The following LHFPL3 variants were observed in gnomAD, a reference collection of about 807,000 sequenced individuals.
The protein encoded by LHFPL3 is LHFPL tetraspan subfamily member 3 protein.
Under a neutral mutation model 19.3 loss-of-function variants are expected in LHFPL3, and 5 were observed. The ratio of observed to expected loss-of-function variants is 0.26; its 90% CI spans 0.14 to 0.54. LHFPL3 has a LOEUF of 0.54. LHFPL3 is among the 20% of genes least tolerant of loss of function. The pLI is 0.94. For synonymous variants in LHFPL3, 133 were observed against 126.2 expected (o/e 1.05, Z -0.36); for missense variants, 249 against 307.4 (o/e 0.81, Z 1.42).
At chr7:104,347,890 T>TAAAA (rs34331956) in intron 1 of LHFPL3, among the ~76,000 whole-genome samples, 1 of 146,482 alleles carries the variant, frequency 6.8e-6, no homozygotes, top group African/African-American at 2.5e-5. Context: ...GACTCTGTCT[T>TAAAA]AAAAAAAAAA....
At chr7:104,402,104 A>G (rs2116495339) in intron 1 of LHFPL3, among the ~76,000 whole-genome samples, 1 of 152,086 alleles carries the variant, frequency 6.6e-6, no homozygotes, top group East Asian at 1.9e-4. Context: ...AAAAAAAACA[A>G]AAAACAACAA....
intron 1 of LHFPL3, among the ~76,000 whole-genome samples, chr7:104,635,047 A>G (rs11764022): frequency 0.039 from 5,988 of 152,266 alleles, 136 homozygotes; most frequent in Middle Eastern, 0.054. Context: ...TGTTATGTAT[A>G]TTTTTTAAAG....
chr7:104,463,994 G>A (rs868305719), intron 1 of LHFPL3, among the ~76,000 whole-genome samples: 1 of 152,158 alleles, frequency 6.6e-6, no homozygotes, highest in South Asian at 2.1e-4. Flanking sequence ...GACAAGGCAA[G>A]TCCCTTCTGC....
intron 2 of LHFPL3, among the ~76,000 whole-genome samples, chr7:104,827,832 T>C (rs1394749698): frequency 6.6e-6 from 1 of 151,988 alleles, no homozygotes; most frequent in East Asian, 1.9e-4. Flanking sequence ...TCAAAAGACC[T>C]GTGCCATCTC....
At chr7:104,789,182 T>C (rs1789975637) in intron 2 of LHFPL3, among the ~76,000 whole-genome samples, 1 of 152,232 alleles carries the variant, frequency 6.6e-6, no homozygotes, top group Non-Finnish European at 1.5e-5. Flanking sequence ...ATAGCTCATC[T>C]TCCATAAATG....
At chr7:104,360,346 G>A (rs1435934325) in intron 1 of LHFPL3, among the ~76,000 whole-genome samples, 1 of 152,154 alleles carries the variant, frequency 6.6e-6, no homozygotes, top group Non-Finnish European at 1.5e-5. Flanking sequence ...TCATATGTCT[G>A]TACTCATGCT....
intron 1 of LHFPL3, among the ~76,000 whole-genome samples, chr7:104,468,826 T>A (rs6960224): frequency 0.1 from 15,353 of 151,672 alleles, 1,192 homozygotes; most frequent in Admixed American, 0.27. Context: ...ACCCAGCCAA[T>A]TTTTTTGTAT....
chr7:104,825,809 GGAA>G (rs1790806349), intron 2 of LHFPL3, among the ~76,000 whole-genome samples: 2 of 151,822 alleles, frequency 1.3e-5, no homozygotes, highest in Non-Finnish European at 1.5e-5. Flanking sequence ...ACAAAAAGAA[GGAA>G]GAAGAGGGAA....
chr7:104,831,524 T>C (rs149015634), intron 2 of LHFPL3, among the ~76,000 whole-genome samples: 1,842 of 152,002 alleles, frequency 0.012, 58 homozygotes, highest in African/African-American at 0.042. Flanking sequence ...CTCATTTCCA[T>C]GGTGGGCCTG....
intron 1 of LHFPL3, among the ~76,000 whole-genome samples, chr7:104,450,699 G>T (rs1443419889): frequency 1.3e-5 from 2 of 151,680 alleles, no homozygotes; most frequent in Non-Finnish European, 2.9e-5. Flanking sequence ...TTCTGCACAT[G>T]TACCCCAGAA....
intron 1 of LHFPL3, among the ~76,000 whole-genome samples, chr7:104,514,248 A>C (rs1331521865): frequency 2.0e-5 from 3 of 152,080 alleles, no homozygotes; most frequent in African/African-American, 7.2e-5. Flanking sequence ...TATTTTGCCT[A>C]ATAAATCTTC....
intron 1 of LHFPL3, among the ~76,000 whole-genome samples, chr7:104,441,650 A>G (rs12705210): frequency 0.16 from 23,950 of 152,124 alleles, 2,742 homozygotes; most frequent in African/African-American, 0.32. Context: ...ATCTTAGCTC[A>G]CTGCAGCCTC....
intron 1 of LHFPL3, among the ~76,000 whole-genome samples, chr7:104,458,926 C>T (rs1351151232): frequency 6.6e-6 from 1 of 152,118 alleles, no homozygotes; most frequent in Non-Finnish European, 1.5e-5. Context: ...TCCAGCAGTG[C>T]AATAGTGGTA....
intron 1 of LHFPL3, among the ~76,000 whole-genome samples, chr7:104,482,473 G>T (rs1223430115): frequency 1.3e-5 from 2 of 152,160 alleles, no homozygotes; most frequent in Non-Finnish European, 2.9e-5. Context: ...CCCTGCACAG[G>T]TGTTCCACCA....
chr7:104,501,565 G>A (rs1198943703), intron 1 of LHFPL3, among the ~76,000 whole-genome samples: 3 of 152,052 alleles, frequency 2.0e-5, no homozygotes, highest in Non-Finnish European at 4.4e-5. Context: ...AAACATAATG[G>A]TGAGTCATAC....
chr7:104,813,022 G>A (rs1376619084), intron 2 of LHFPL3, among the ~76,000 whole-genome samples: 3 of 152,118 alleles, frequency 2.0e-5, no homozygotes, highest in Admixed American at 6.5e-5. Context: ...GCTGAGGCAG[G>A]AGAATTGCTT....
At chr7:104,468,894 C>CAG (rs1792848716) in intron 1 of LHFPL3, among the ~76,000 whole-genome samples, 1 of 152,054 alleles carries the variant, frequency 6.6e-6, no homozygotes, top group Non-Finnish European at 1.5e-5. Flanking sequence ...CTCCTGACCT[C>CAG]ATGATCCGCC....
chr7:104,879,626 G>A (rs1429700846), intron 2 of LHFPL3, among the ~76,000 whole-genome samples: 1 of 152,232 alleles, frequency 6.6e-6, no homozygotes, highest in African/African-American at 2.4e-5. Context: ...TCGAGAGGCT[G>A]AGGTAGGAGG....
At chr7:104,390,942 G>A (rs1173628843) in intron 1 of LHFPL3, among the ~76,000 whole-genome samples, 2 of 152,214 alleles carry the variant, frequency 1.3e-5, no homozygotes, top group African/African-American at 4.8e-5. Flanking sequence ...CAGTGATGAT[G>A]AGCATTTTTT....
Sources: allele counts gnomAD v4.1 joint callset (sites outside exome capture counted in the v4.1 genomes callset), GRCh38; gene constraint gnomAD v4.1.1; transcripts MANE v1.5; gene names NCBI Gene and HGNC (gene_info 2026-07-23, HGNC 2026-07-21).